SLC26A5: variants seen among roughly 807,000 people sequenced by gnomAD.
The protein encoded by SLC26A5 is solute carrier family 26 member 5, also known as prestin.
A neutral mutation model predicts 81.0 loss-of-function variants in SLC26A5; 51 were observed. The observed-to-expected ratio is 0.63, with a 90% CI of 0.50 to 0.80. The LOEUF (loss-of-function observed/expected upper bound fraction) is 0.80. Ranked by LOEUF, SLC26A5 falls within the 30% of genes least tolerant of loss-of-function variation. The pLI is 0.00. For missense variants in SLC26A5, 771 were observed against 905.8 expected, an observed-to-expected ratio of 0.85 and a Z score of 1.91; for synonymous variants, 325 against 332.8, an observed-to-expected ratio of 0.98 and a Z score of 0.25.
At position 103,367,891 on chromosome 7, in the gene SLC26A5, T is replaced by C. The variant is rs369942194; in HGVS notation, c.2041+8917A>G. 1.7e-4 allele frequency: 281 copies of C among 1,611,702 alleles called. No individual in the cohort carries two copies. The highest frequency in any genetic ancestry group is 3.2e-4 in the Admixed American group (19 of 59,358). Reference sequence around the variant, plus strand: ...TAAGCCCGTTTATTTTCTTTTTGTTTGAAAGGTGCTGAGATTAGAAGCGTC... The same window carrying C: ...TAAGCCCGTTTATTTTCTTTTTGTTCGAAAGGTGCTGAGATTAGAAGCGTC... On this transcript the variant is annotated intron_variant, in intron 19 of 19. Coordinates refer to the SLC26A5 transcript ENST00000339444. The surrounding 1 kb of genome is among the most constrained non-coding windows in gnomAD (Gnocchi z 6.1).
intron 2 of SLC26A5, among the ~76,000 whole-genome samples, chr7:103,423,663 G>A (rs998642861): frequency 2.0e-5 from 3 of 152,134 alleles, no homozygotes; most frequent in Non-Finnish European, 4.4e-5. Flanking sequence ...CTCTCTAGAG[G>A]ATGATGCAAT....
At chr7:103,420,593 T>C (rs1825270274) in intron 4 of SLC26A5, 145 bp downstream of exon 4, 1 of 1,151,520 alleles carries the variant, frequency 8.7e-7, no homozygotes. Flanking sequence ...AAGGATTACA[T>C]GTTTCTGAAG....
intron 19 of SLC26A5, chr7:103,355,073 C>A: frequency 1.4e-6 from 1 of 704,750 alleles, no homozygotes; most frequent in Non-Finnish European, 2.4e-6. Context: ...TTCTTCCTTT[C>A]TGTTAAGAAA....
intron 4 of SLC26A5, among the ~76,000 whole-genome samples, chr7:103,415,369 T>A (rs373656939): frequency 2.4e-4 from 37 of 152,202 alleles, no homozygotes; most frequent in African/African-American, 8.7e-4. Flanking sequence ...GTTTAGCTGT[T>A]TTTCTCTATT....
chr7:103,371,437 GC>G (rs1821031099), downstream of SLC26A5, among the ~76,000 whole-genome samples: 2 of 149,908 alleles, frequency 1.3e-5, no homozygotes, highest in South Asian at 4.2e-4. Flanking sequence ...CCATTCTCCT[GC>G]CTCAGCCTCC....
At chr7:103,364,138 C>G in intron 19 of SLC26A5, 1 of 1,612,134 alleles carries the variant, frequency 6.2e-7, no homozygotes, top group South Asian at 1.1e-5. Context: ...GTGTCTCTAT[C>G]ACAGCCAGAG....
At chr7:103,398,917 C>T (rs570129677) in intron 8 of SLC26A5, among the ~76,000 whole-genome samples, 1 of 152,152 alleles carries the variant, frequency 6.6e-6, no homozygotes, top group East Asian at 1.9e-4. Context: ...TTTCATCACC[C>T]TTAATTGCAT....
At chr7:103,433,309 C>G (rs1826212620) in intron 2 of SLC26A5, among the ~76,000 whole-genome samples, 1 of 152,158 alleles carries the variant, frequency 6.6e-6, no homozygotes, top group African/African-American at 2.4e-5. Flanking sequence ...TTTTTCTCTG[C>G]ATTCTTCTGA....
chr7:103,420,722 A>C lies in SLC26A5; in HGVS notation c.292+16T>G. On this transcript the variant is annotated intron_variant, in intron 4 of 19. Coordinates refer to ENST00000306312, the MANE Select transcript of SLC26A5 (RefSeq NM_198999.3). ...TTGAGGACAGCAAGGGGGGAAAGAA[A>C]GAAAGATCTACTGACCTTGAGGAAG... The C allele has an allele frequency of 1.9e-6, 3 of 1,613,896 alleles. No individual in the cohort carries two copies. Among genetic ancestry groups the C allele is most frequent in the Non-Finnish European group, 2.5e-6 (3 of 1,179,946 alleles).
intron 4 of SLC26A5, among the ~76,000 whole-genome samples, chr7:103,417,213 T>C (rs1350573122): frequency 6.6e-6 from 1 of 151,312 alleles, no homozygotes; most frequent in Admixed American, 6.6e-5. Context: ...CTACTGAAAA[T>C]ACAAAAATTA....
chr7:103,380,451 C>T, intron 15 of SLC26A5, 29 bp downstream of exon 15: 1 of 1,588,374 alleles, frequency 6.3e-7, no homozygotes, highest in Non-Finnish European at 8.6e-7. Context: ...ATGCTTACAA[C>T]CTTTTTAAGT....
At chr7:103,420,426 G>A (rs1251575404) in intron 4 of SLC26A5, among the ~76,000 whole-genome samples, 2 of 151,240 alleles carry the variant, frequency 1.3e-5, no homozygotes, top group African/African-American at 4.9e-5. Flanking sequence ...CTCTTGAGTA[G>A]CTGAGACTAC....
At chr7:103,371,603 C>T (rs575149083), downstream of SLC26A5, among the ~76,000 whole-genome samples, 5 of 151,834 alleles carry the variant, frequency 3.3e-5, no homozygotes, top group Non-Finnish European at 7.4e-5. Context: ...GGATTACAGG[C>T]GTGAGCCACT....
In SLC26A5 at chr7:103,420,791, A is replaced by C; in HGVS notation, c.239T>G (p.Val80Gly). ...TATGCCTGAGACCAAGTCACCCAAC[A>C]CATATTCCTTGAATTTGTATGCTGG... ...WLPAYKFKEY[V>G]LGDLVSGIST... The change falls in exon 4 of 20, where the codon GTG becomes GGG. Residue 80 changes from valine to glycine, a missense_variant. Physicochemically the swap from Val to Gly is moderately radical, Grantham distance 109. Coordinates refer to ENST00000306312, the MANE Select transcript of SLC26A5 (RefSeq NM_198999.3). The C allele has an allele frequency of 6.2e-7, 1 of 1,614,176 alleles. No individual in the cohort carries two copies. Among genetic ancestry groups the C allele is most frequent in the Non-Finnish European group, 8.5e-7 (1 of 1,180,024 alleles).
At chr7:103,418,053 T>TATGTCTGCA in intron 4 of SLC26A5, among the ~76,000 whole-genome samples, 1 of 152,324 alleles carries the variant, frequency 6.6e-6, no homozygotes, top group Non-Finnish European at 1.5e-5. Context: ...TCATCTTTAT[T>TATGTCTGCA]ATGTCTGCAA....
Position 103,393,010 on chromosome 7 carries a change from G to A in SLC26A5, c.1028C>T (p.Ala343Val). 1 of 1,614,010 alleles carries A rather than the reference G, an allele frequency of 6.2e-7. No individual in the cohort carries two copies. The highest frequency in any genetic ancestry group is 8.5e-7 in the Non-Finnish European group (1 of 1,179,880). ...AAATCCAACGATGGCTATGGCAATG[G>A]CATCTACGTACACAAGGTGGAAGAG... Reference protein sequence around the residue: ...TSLFHLVYVDAIAIAIVGFSV... With the variant: ...TSLFHLVYVDVIAIAIVGFSV... Residue 343 changes from alanine to valine, a missense_variant, in exon 10 of 20, where the codon GCC becomes GTC. Coordinates refer to ENST00000306312, the MANE Select transcript of SLC26A5 (RefSeq NM_198999.3).
intron 15 of SLC26A5, among the ~76,000 whole-genome samples, chr7:103,379,891 T>C (rs1195465608): frequency 6.6e-6 from 1 of 152,194 alleles, no homozygotes. Flanking sequence ...AGGAAAAATA[T>C]AGCAATTCTA....
intron 14 of SLC26A5, among the ~76,000 whole-genome samples, chr7:103,385,447 C>T (rs1484610748): frequency 6.6e-6 from 1 of 152,084 alleles, no homozygotes; most frequent in African/African-American, 2.4e-5. Context: ...ACTATGCCTG[C>T]TCTGAGGGAA....
chr7:103,369,508 G>T (rs541022831), downstream of SLC26A5: 1 of 152,162 alleles, frequency 6.6e-6, no homozygotes, highest in African/African-American at 2.4e-5. Flanking sequence ...AGTGACTATC[G>T]TGATAATTTA....
Sources: allele counts gnomAD v4.1 joint callset (sites outside exome capture counted in the v4.1 genomes callset), GRCh38; gene constraint gnomAD v4.1.1; non-coding constraint Gnocchi (gnomAD v3.1); transcripts MANE v1.5; gene names NCBI Gene and HGNC (gene_info 2026-07-23, HGNC 2026-07-21).